Variants in PROCR observed in about 807,000 individuals in gnomAD.
PROCR encodes endothelial protein C receptor.
In PROCR, 22 loss-of-function variants were observed where a neutral mutation model predicts 24.2. The ratio of observed to expected loss-of-function variants is 0.91; its 90% CI spans 0.65 to 1.30. The LOEUF is 1.30. Among genes scored for constraint, PROCR ranks in the 50% most tolerant of loss-of-function variants. PROCR has a pLI of 0.00. For synonymous variants in PROCR, 137 were observed against 139.2 expected (o/e 0.98, Z 0.11); for missense variants, 288 against 307.7 (o/e 0.94, Z 0.48).
rs148173183 is a variant in PROCR at position 35,208,700 on chromosome 20, C to T, written c.95-7193C>T. On this transcript the variant is annotated intron_variant, in intron 1 of 1. Coordinates refer to the PROCR transcript ENST00000634509. ...TTCATTTAGCAAATATTCAGCTGGACGTGGTGGCTCACGCCTGTAATCCCA... is the reference window on the plus strand; with the variant it reads ...TTCATTTAGCAAATATTCAGCTGGATGTGGTGGCTCACGCCTGTAATCCCA... Among the ~76,000 whole-genome samples the T allele has an allele frequency of 7.3e-3, 1,116 of 152,300 alleles. 13 individuals carry two copies. The highest frequency in any genetic ancestry group is 0.023 in the African/African-American group (968 of 41,558).
intron 1 of PROCR, among the ~76,000 whole-genome samples, chr20:35,173,586 C>T (rs753616505): frequency 2.0e-5 from 3 of 151,908 alleles, no homozygotes; most frequent in Non-Finnish European, 2.9e-5. Context: ...TGTACCACCA[C>T]GCCTGGCTAA....
intron 1 of PROCR, among the ~76,000 whole-genome samples, chr20:35,187,041 G>A (rs1298357522): frequency 2.0e-5 from 3 of 151,772 alleles, no homozygotes; most frequent in Non-Finnish European, 2.9e-5. Context: ...CCTTCTTTGC[G>A]CTTCCTCAAT....
downstream of PROCR, among the ~76,000 whole-genome samples, chr20:35,180,110 G>A (rs1210834492): frequency 6.6e-6 from 1 of 152,084 alleles, no homozygotes; most frequent in African/African-American, 2.4e-5. Flanking sequence ...GCCGGGCGCG[G>A]TGATGCACGC....
chr20:35,209,756 T>C (rs1449545317), intron 1 of PROCR, among the ~76,000 whole-genome samples: 1 of 152,168 alleles, frequency 6.6e-6, no homozygotes, highest in Admixed American at 6.6e-5. Context: ...ATGACTTTCT[T>C]GGTCTACGAT....
At chr20:35,205,907 T>TTC (rs1555791749) in intron 1 of PROCR, among the ~76,000 whole-genome samples, 2 of 140,216 alleles carry the variant, frequency 1.4e-5, no homozygotes, top group Non-Finnish European at 1.5e-5. Flanking sequence ...CCTCCGGTGA[T>TTC]CCCCCCCCCA....
chr20:35,180,855 TTTG>T (rs1187852301), downstream of PROCR, among the ~76,000 whole-genome samples: 1 of 126,672 alleles, frequency 7.9e-6, no homozygotes, highest in Non-Finnish European at 1.8e-5. Flanking sequence ...TTGTTTGTTT[TTTG>T]TTTTTTGTTT....
intron 1 of PROCR, among the ~76,000 whole-genome samples, chr20:35,198,555 A>C (rs926712855): frequency 7.2e-5 from 11 of 152,208 alleles, no homozygotes; most frequent in African/African-American, 2.7e-4. Context: ...AGCCATCTCC[A>C]GAACATAAAA....
intron 1 of PROCR, among the ~76,000 whole-genome samples, chr20:35,205,526 C>T (rs993796932): frequency 1.3e-5 from 2 of 149,198 alleles, no homozygotes; most frequent in Admixed American, 6.7e-5. Context: ...CCGAGGCAGG[C>T]GGATCACCTG....
At chr20:35,215,289 T>C (rs977426380) in intron 1 of PROCR, among the ~76,000 whole-genome samples, 1 of 152,246 alleles carries the variant, frequency 6.6e-6, no homozygotes, top group African/African-American at 2.4e-5. Flanking sequence ...TGTGTGGTAA[T>C]GTTCTGTGTA....
chr20:35,195,362 C>T (rs2086206626), intron 1 of PROCR: 1 of 152,120 alleles, frequency 6.6e-6, no homozygotes, highest in South Asian at 2.1e-4. Flanking sequence ...TGAAGCTAGG[C>T]AGGGTCAGGC....
chr20:35,178,507 GTTTTT>G (rs1203789471), downstream of PROCR, among the ~76,000 whole-genome samples: 1 of 34,376 alleles, frequency 2.9e-5, no homozygotes, highest in Admixed American at 4.6e-4. Context: ...TCAAGTCTCA[GTTTTT>G]TTTTTTTTTT....
downstream of PROCR, among the ~76,000 whole-genome samples, chr20:35,180,625 T>C (rs2086069016): frequency 6.7e-6 from 1 of 150,268 alleles, no homozygotes; most frequent in Admixed American, 6.6e-5. Context: ...GTAAGCATCT[T>C]GCACCTCAAA....
At chr20:35,180,102 C>T (rs1288894748), downstream of PROCR, among the ~76,000 whole-genome samples, 2 of 152,140 alleles carry the variant, frequency 1.3e-5, no homozygotes, top group South Asian at 4.1e-4. Context: ...AAAAATTAGC[C>T]GGGCGCGGTG....
At chr20:35,180,480 A>G (rs1320639720), downstream of PROCR, among the ~76,000 whole-genome samples, 1 of 152,114 alleles carries the variant, frequency 6.6e-6, no homozygotes, top group African/African-American at 2.4e-5. Flanking sequence ...AACTCTGAGA[A>G]TAGGTTGGAT....
chr20:35,206,486 A>C (rs113551565), intron 1 of PROCR, among the ~76,000 whole-genome samples: 1 of 151,374 alleles, frequency 6.6e-6, no homozygotes, highest in African/African-American at 2.4e-5. Context: ...AAAAAAAAAA[A>C]AAAAAAAAAA....
chr20:35,187,223 T>TTTTGTTTGTTTG (rs35650525), intron 1 of PROCR, among the ~76,000 whole-genome samples: 1 of 150,484 alleles, frequency 6.6e-6, no homozygotes, highest in African/African-American at 2.5e-5. Flanking sequence ...CCTAAATTTG[T>TTTTGTTTGTTTG]TTTGTTTGTT....
chr20:35,196,272 T>A (rs114656183), intron 1 of PROCR, among the ~76,000 whole-genome samples: 96 of 151,850 alleles, frequency 6.3e-4, no homozygotes, highest in African/African-American at 2.3e-3. Context: ...CATCAATATT[T>A]CTGAAATAGA....
In PROCR at chr20:35,176,211, C is replaced by T. The variant is rs746320124; in HGVS notation, c.366C>T (p.Pro122=). ...GCTTCCTGGGCTGTGAGCTGCCTCC[C>T]GAGGGCTCTAGAGCCCATGTCTTCT... ...IRCFLGCELP[P]EGSRAHVFFE... Residue 122 remains proline, a synonymous_variant, in exon 3 of 4, where the codon CCC becomes CCT. Transcript: ENST00000216968. The T allele has an allele frequency of 4.3e-6, 7 of 1,613,450 alleles. No homozygotes were observed. Among genetic ancestry groups the T allele is most frequent in the Non-Finnish European group, 4.2e-6 (5 of 1,179,822 alleles).
intron 1 of PROCR, among the ~76,000 whole-genome samples, chr20:35,206,005 G>A (rs1229109472): frequency 1.3e-5 from 2 of 149,796 alleles, no homozygotes; most frequent in Non-Finnish European, 3.0e-5. Flanking sequence ...CTTGAATCCA[G>A]AATTTATTTT....
Sources: allele counts gnomAD v4.1 joint callset (sites outside exome capture counted in the v4.1 genomes callset), GRCh38; gene constraint gnomAD v4.1.1; transcripts MANE v1.5; gene names NCBI Gene and HGNC (gene_info 2026-07-23, HGNC 2026-07-21).